Variants in PTPRN2 observed in about 807,000 individuals in gnomAD.
PTPRN2 encodes the protein receptor-type tyrosine-protein phosphatase N2.
PTPRN2 carries 74 observed loss-of-function variants against 118.8 expected under a neutral mutation model. The observed-to-expected ratio is 0.62, with a 90% CI of 0.52 to 0.76. The LOEUF is 0.76. PTPRN2 is among the 30% of genes least tolerant of loss of function. The pLI, the probability that PTPRN2 is intolerant of heterozygous loss-of-function variation, is 0.00. For missense variants in PTPRN2, 1,481 were observed against 1,394.4 expected (o/e 1.06, Z -0.99); for synonymous variants, 641 against 608.0 (o/e 1.05, Z -0.80).
intron 1 of PTPRN2, among the ~76,000 whole-genome samples, chr7:158,491,011 T>C (rs1821406520): frequency 6.6e-6 from 1 of 152,204 alleles, no homozygotes; most frequent in African/African-American, 2.4e-5. Flanking sequence ...GAGAAAGTTA[T>C]GAATTACTGA....
chr7:158,143,298 A>G (rs1039731790), intron 6 of PTPRN2, among the ~76,000 whole-genome samples: 1 of 152,198 alleles, frequency 6.6e-6, no homozygotes, highest in Admixed American at 6.5e-5. Flanking sequence ...GGCGGAGCCC[A>G]GAAAACTAAC....
chr7:157,648,834 G>A (rs1965624), intron 14 of PTPRN2, among the ~76,000 whole-genome samples: 37,439 of 101,094 alleles, frequency 0.37, 4,294 homozygotes, highest in Non-Finnish European at 0.43. Context: ...GAACTCGGTG[G>A]GTCGGACCCA....
intron 3 of PTPRN2, among the ~76,000 whole-genome samples, chr7:158,279,792 A>G (rs11983942): frequency 0.25 from 38,237 of 152,032 alleles, 5,079 homozygotes; most frequent in African/African-American, 0.33. Flanking sequence ...ACAGTGCAGC[A>G]GCGGGCTGAG....
At chr7:158,484,287 C>A (rs1242365340) in intron 2 of PTPRN2, among the ~76,000 whole-genome samples, 1 of 152,188 alleles carries the variant, frequency 6.6e-6, no homozygotes, top group Admixed American at 6.5e-5. Context: ...CCAACACTTT[C>A]CCCAGCCCTA....
intron 12 of PTPRN2, among the ~76,000 whole-genome samples, chr7:157,686,361 AT>A (rs975796368): frequency 6.6e-6 from 1 of 152,150 alleles, no homozygotes; most frequent in African/African-American, 2.4e-5. Flanking sequence ...GATTTAAAGA[AT>A]TTTTTTCTAA....
intron 2 of PTPRN2, 144 bp from the exon 3 acceptor site, chr7:158,317,076 C>T: frequency 1.8e-6 from 1 of 570,002 alleles, no homozygotes; most frequent in South Asian, 2.4e-5. Flanking sequence ...GCTGTTAGGA[C>T]CCGGGAGCAC....
intron 2 of PTPRN2, among the ~76,000 whole-genome samples, chr7:158,407,172 C>T (rs373425609): frequency 8.4e-4 from 38 of 45,228 alleles, no homozygotes; most frequent in African/African-American, 2.8e-3. Context: ...CTGGGTCCTG[C>T]GTCCTGCGTC....
chr7:157,601,741 C>G (rs934212427), intron 16 of PTPRN2, among the ~76,000 whole-genome samples: 3 of 152,244 alleles, frequency 2.0e-5, no homozygotes, highest in East Asian at 1.9e-4. Flanking sequence ...AAGTTGGAAC[C>G]CATCGAGTGG....
Position 157,614,876 on chromosome 7 carries a change from TG to T in PTPRN2, c.2344+6485del, listed in dbSNP as rs543846356. ...CCGCAGCCTCCGGCCTCCAGGACTATGGGGAAATGCAATTCTGTGGTTTCAC... is the reference window on the plus strand; with the variant it reads ...CCGCAGCCTCCGGCCTCCAGGACTATGGGAAATGCAATTCTGTGGTTTCAC... On this transcript the variant is annotated intron_variant, in intron 15 of 22. Coordinates refer to ENST00000389418, the MANE Select transcript of PTPRN2 (RefSeq NM_002847.5). 3.9e-5 allele frequency among the ~76,000 whole-genome samples: 6 copies of T among 152,332 alleles called. No individual in the cohort carries two copies. The South Asian group carries it at 1.2e-3, about 32-fold the overall frequency.
chr7:158,456,142 T>C (rs1423771411), intron 2 of PTPRN2, among the ~76,000 whole-genome samples: 5 of 141,590 alleles, frequency 3.5e-5, no homozygotes, highest in Non-Finnish European at 7.6e-5. Context: ...TCAGAGAAGA[T>C]AACGGCATGG....
At chr7:158,375,116 G>A (rs1810399758) in intron 2 of PTPRN2, among the ~76,000 whole-genome samples, 1 of 150,990 alleles carries the variant, frequency 6.6e-6, no homozygotes, top group Admixed American at 6.6e-5. Flanking sequence ...TGCTTCACGT[G>A]GCAGTGAGAC....
intron 2 of PTPRN2, among the ~76,000 whole-genome samples, chr7:158,387,870 G>T (rs1309650806): frequency 6.6e-6 from 1 of 152,158 alleles, no homozygotes; most frequent in Non-Finnish European, 1.5e-5. Context: ...CAGCCCACCA[G>T]CTGCCCTGCA....
intron 11 of PTPRN2, among the ~76,000 whole-genome samples, chr7:157,916,281 A>G (rs1364528938): frequency 1.3e-5 from 2 of 152,090 alleles, no homozygotes; most frequent in African/African-American, 4.8e-5. Context: ...GTCTCACCCC[A>G]AATGGTCCCA....
intron 11 of PTPRN2, among the ~76,000 whole-genome samples, chr7:157,991,325 G>T (rs573212413): frequency 6.6e-6 from 1 of 152,210 alleles, no homozygotes; most frequent in Non-Finnish European, 1.5e-5. Flanking sequence ...GGCAATGGCC[G>T]GCATTTCTGA....
At chr7:158,059,121 C>A (rs1810075491) in intron 11 of PTPRN2, among the ~76,000 whole-genome samples, 1 of 129,824 alleles carries the variant, frequency 7.7e-6, no homozygotes, top group Non-Finnish European at 1.6e-5. Context: ...ACTGCAGCCA[C>A]ACTCCATCTG....
intron 3 of PTPRN2, among the ~76,000 whole-genome samples, chr7:158,213,251 T>G (rs867326545): frequency 1.4e-4 from 19 of 136,702 alleles, no homozygotes; most frequent in African/African-American, 2.8e-4. Context: ...TGTGTGTGTG[T>G]GGCGTAGGAA....
rs866587517 is a variant in PTPRN2, at chr7:157,784,654, G to A, written c.1789-101717C>T. Among the ~76,000 whole-genome samples the A allele has an allele frequency of 4.4e-4, 53 of 119,800 alleles. No homozygotes were observed. The South Asian group carries it at 0.013, about 30-fold the overall frequency. The allele number at this position is 119,800 out of a possible 152,430, so 78.6% of individuals were successfully genotyped here. A position where few individuals can be genotyped will look rare whatever the true frequency, so the allele number is the denominator to read the frequency against. The stretch of plus-strand genomic sequence containing the variant: ...AACGGGCAGGGGCTGGGCTGATCCC[G>A]TATGAAACGGGCAGGGGCTGGGCTG... On this transcript the variant is annotated intron_variant, in intron 12 of 22. Transcript: ENST00000389418. The surrounding 1 kb of genome is among the most constrained non-coding windows in gnomAD (Gnocchi z 4.6).
At chr7:158,501,331 G>A (rs552084399) in intron 1 of PTPRN2, among the ~76,000 whole-genome samples, 58 of 152,314 alleles carry the variant, frequency 3.8e-4, no homozygotes, top group African/African-American at 1.4e-3. Flanking sequence ...GACTCCAAGG[G>A]TCTCAGAGCC....
chr7:157,747,006 C>T (rs1222283143), intron 12 of PTPRN2, among the ~76,000 whole-genome samples: 2,575 of 120,160 alleles, frequency 0.021, 144 homozygotes, highest in East Asian at 0.047. Flanking sequence ...GGCCTGTGTC[C>T]CTGAGCTGTG....
Sources: allele counts gnomAD v4.1 joint callset (sites outside exome capture counted in the v4.1 genomes callset), GRCh38; gene constraint gnomAD v4.1.1; non-coding constraint Gnocchi (gnomAD v3.1); transcripts MANE v1.5; gene names NCBI Gene and HGNC (gene_info 2026-07-23, HGNC 2026-07-21).